The following WWOX variants were observed in gnomAD, a reference collection of about 807,000 sequenced individuals.
The protein encoded by WWOX is WW domain-containing oxidoreductase.
In WWOX, 69 loss-of-function variants were observed where a neutral mutation model predicts 46.2. The observed-to-expected ratio is 1.49, with a 90% CI of 1.23 to 1.82. The LOEUF (loss-of-function observed/expected upper bound fraction) is 1.82, where lower values mean the gene tolerates loss of function less well. Among genes scored for constraint, WWOX ranks in the 40% most tolerant of loss-of-function variants. WWOX has a pLI of 0.00. For missense variants in WWOX, 919 were observed against 542.6 expected, an observed-to-expected ratio of 1.69 and a Z score of -6.89; for synonymous variants, 359 against 202.6, an observed-to-expected ratio of 1.77 and a Z score of -6.56.
chr16:79,198,153 C>T (rs994026216), intron 8 of WWOX, among the ~76,000 whole-genome samples: 13 of 149,410 alleles, frequency 8.7e-5, no homozygotes, highest in Admixed American at 8.0e-4. Context: ...GGTGAAACCC[C>T]GTCTCTACTA....
intron 8 of WWOX, among the ~76,000 whole-genome samples, chr16:79,026,091 A>G (rs1468432617): frequency 6.6e-6 from 1 of 151,472 alleles, no homozygotes; most frequent in Non-Finnish European, 1.5e-5. Flanking sequence ...ATGAGTCCCC[A>G]TGCCCAGCCC....
At chr16:79,143,579 AAT>A (rs2050130561) in intron 8 of WWOX, among the ~76,000 whole-genome samples, 1 of 152,186 alleles carries the variant, frequency 6.6e-6, no homozygotes, top group Non-Finnish European at 1.5e-5. Flanking sequence ...CGTTAGAAAA[AAT>A]AGTTTTAGGG....
chr16:79,012,446 T>C (rs754912816), intron 8 of WWOX, among the ~76,000 whole-genome samples: 4 of 152,186 alleles, frequency 2.6e-5, no homozygotes, highest in African/African-American at 7.2e-5. Flanking sequence ...TTGGCCAGGC[T>C]GGTCTCGAAC....
At chr16:78,794,924 C>T (rs1444500678) in intron 8 of WWOX, among the ~76,000 whole-genome samples, 1 of 152,194 alleles carries the variant, frequency 6.6e-6, no homozygotes, top group Admixed American at 6.5e-5. Flanking sequence ...CTGTGCCTGG[C>T]ATACTGCAAA....
At chr16:78,820,670 C>T (rs1178978427) in intron 8 of WWOX, among the ~76,000 whole-genome samples, 7 of 152,140 alleles carry the variant, frequency 4.6e-5, no homozygotes, top group African/African-American at 1.7e-4. Context: ...ACCAACCATG[C>T]CACGTGTATG....
At chr16:78,611,244 A>T (rs528674666) in intron 8 of WWOX, among the ~76,000 whole-genome samples, 10 of 152,338 alleles carry the variant, frequency 6.6e-5, no homozygotes, top group Non-Finnish European at 1.5e-4. Context: ...TTGGTGAAAG[A>T]CATCTCCTTC....
intron 6 of WWOX, among the ~76,000 whole-genome samples, chr16:78,418,823 C>T (rs968338960): frequency 6.6e-6 from 1 of 151,986 alleles, no homozygotes; most frequent in Non-Finnish European, 1.5e-5. Flanking sequence ...TGCAAAAAAC[C>T]CACAAATGAC....
intron 8 of WWOX, among the ~76,000 whole-genome samples, chr16:79,049,322 G>T (rs2048123025): frequency 6.6e-6 from 1 of 152,188 alleles, no homozygotes; most frequent in Non-Finnish European, 1.5e-5. Flanking sequence ...AGCAGCACGT[G>T]CCCGCTCTTT....
chr16:79,027,863 A>G (rs970133688), intron 8 of WWOX, among the ~76,000 whole-genome samples: 3 of 151,852 alleles, frequency 2.0e-5, no homozygotes, highest in Non-Finnish European at 4.4e-5. Flanking sequence ...TAGAAACAGC[A>G]CGTGTCTTAG....
At chr16:79,150,594 G>A (rs937389750) in intron 8 of WWOX, among the ~76,000 whole-genome samples, 2 of 152,128 alleles carry the variant, frequency 1.3e-5, no homozygotes, top group African/African-American at 4.8e-5. Flanking sequence ...CTATAAACTT[G>A]CCAGAACCTC....
At chr16:78,796,750 G>T (rs748733802) in intron 8 of WWOX, among the ~76,000 whole-genome samples, 4 of 152,086 alleles carry the variant, frequency 2.6e-5, no homozygotes, top group Non-Finnish European at 5.9e-5. Flanking sequence ...GTTCCCAACG[G>T]CCATCCAGCC....
intron 8 of WWOX, among the ~76,000 whole-genome samples, chr16:78,830,928 G>C (rs2051803646): frequency 6.6e-6 from 1 of 152,098 alleles, no homozygotes; most frequent in African/African-American, 2.4e-5. Flanking sequence ...TTTATCAAAA[G>C]GGCCATAGCA....
intron 8 of WWOX, among the ~76,000 whole-genome samples, chr16:78,859,699 A>G (rs944966957): frequency 6.6e-6 from 1 of 152,190 alleles, no homozygotes; most frequent in African/African-American, 2.4e-5. Flanking sequence ...AAATTTCTCC[A>G]TAGCCTTCTG....
At chr16:78,974,621 T>G (rs914336750) in intron 8 of WWOX, among the ~76,000 whole-genome samples, 3 of 152,240 alleles carry the variant, frequency 2.0e-5, no homozygotes, top group Non-Finnish European at 4.4e-5. Flanking sequence ...ACCTAAATAT[T>G]ACACGTAGCA....
chr16:79,151,335 G>A (rs1237780419), intron 8 of WWOX, among the ~76,000 whole-genome samples: 1 of 152,142 alleles, frequency 6.6e-6, no homozygotes, highest in African/African-American at 2.4e-5. Flanking sequence ...CTAACAAAAC[G>A]TCTCCAGCAG....
intron 8 of WWOX, among the ~76,000 whole-genome samples, chr16:78,454,693 A>G (rs933466482): frequency 2.0e-5 from 3 of 151,884 alleles, no homozygotes; most frequent in African/African-American, 7.3e-5. Flanking sequence ...TATTTTTAGC[A>G]AGGTTGTTGA....
At chr16:78,262,698 C>A (rs1296590214) in intron 5 of WWOX, among the ~76,000 whole-genome samples, 1 of 152,172 alleles carries the variant, frequency 6.6e-6, no homozygotes. Context: ...GATATTTAGA[C>A]TTACAGACCT....
chr16:78,100,444 G>C (rs2031697327), intron 1 of WWOX, among the ~76,000 whole-genome samples: 1 of 152,160 alleles, frequency 6.6e-6, no homozygotes, highest in African/African-American at 2.4e-5. Flanking sequence ...GTAGAGACTA[G>C]GGTCGCACCA....
chr16:79,094,794 G>A (rs1485743446), intron 8 of WWOX, among the ~76,000 whole-genome samples: 1 of 152,134 alleles, frequency 6.6e-6, no homozygotes, highest in South Asian at 2.1e-4. Flanking sequence ...GGGAGGAAAC[G>A]AGAAGAGAAT....
Sources: allele counts gnomAD v4.1 joint callset (sites outside exome capture counted in the v4.1 genomes callset), GRCh38; gene constraint gnomAD v4.1.1; transcripts MANE v1.5; gene names NCBI Gene and HGNC (gene_info 2026-07-23, HGNC 2026-07-21).